The following LCORL variants were observed in gnomAD, a reference collection of about 807,000 sequenced individuals.
The protein encoded by LCORL is ligand dependent nuclear receptor corepressor like, also known as ligand-dependent nuclear receptor corepressor-like protein.
Under a neutral mutation model 141.8 loss-of-function variants are expected in LCORL, and 41 were observed. The ratio of observed to expected loss-of-function variants is 0.29; its 90% CI spans 0.23 to 0.38. The LOEUF (loss-of-function observed/expected upper bound fraction) is 0.38, where lower values mean the gene tolerates loss of function less well. Ranked by LOEUF, LCORL falls within the 10% of genes least tolerant of loss-of-function variation. The pLI is 1.00. For synonymous variants in LCORL, 618 were observed against 694.1 expected (o/e 0.89, Z 1.72); for missense variants, 1,759 against 2,035.0 (o/e 0.86, Z 2.61).
chr4:18,015,173 A>C (rs1724446147), intron 1 of LCORL, among the ~76,000 whole-genome samples: 1 of 152,194 alleles, frequency 6.6e-6, no homozygotes, highest in African/African-American at 2.4e-5. Flanking sequence ...CCAGGGTTGA[A>C]AGTCAGACAA....
chr4:17,909,589 C>CT (rs1377310049), intron 4 of LCORL, among the ~76,000 whole-genome samples: 3 of 151,960 alleles, frequency 2.0e-5, no homozygotes, highest in Admixed American at 6.6e-5. Context: ...TGGTCCCAAA[C>CT]TAAAATACAA....
At chr4:17,882,190 C>T in intron 6 of LCORL, 1 of 984,412 alleles carries the variant, frequency 1.0e-6, no homozygotes, top group Non-Finnish European at 1.2e-6. Flanking sequence ...TACACACAAA[C>T]ACAAGTGTAA....
At chr4:17,905,739 T>C (rs1560319277) in intron 5 of LCORL, among the ~76,000 whole-genome samples, 1 of 152,082 alleles carries the variant, frequency 6.6e-6, no homozygotes, top group Non-Finnish European at 1.5e-5. Context: ...GTCATCTAAT[T>C]TGAATAAAGC....
At chr4:17,938,081 C>T (rs1737174874) in intron 4 of LCORL, among the ~76,000 whole-genome samples, 1 of 150,372 alleles carries the variant, frequency 6.7e-6, no homozygotes, top group Admixed American at 6.7e-5. Context: ...TCTCAGCTCA[C>T]CGCAACCTCT....
chr4:17,909,006 A>G (rs1732088503), intron 5 of LCORL, 88 bp downstream of exon 5: 1 of 1,205,660 alleles, frequency 8.3e-7, no homozygotes, highest in African/African-American at 1.5e-5. Context: ...TCCAAAATAA[A>G]TTTCCCTATG....
exon 8 of LCORL, chr4:17,843,788 A>AGAT (rs1444467726): frequency 6.3e-6 from 1 of 159,238 alleles, no homozygotes; most frequent in Non-Finnish European, 1.4e-5. Context: ...CTTATGACTT[A>AGAT]GATGGGCAGA....
chr4:17,881,743 T>C, intron 6 of LCORL: 1 of 955,774 alleles, frequency 1.0e-6, no homozygotes, highest in Non-Finnish European at 1.2e-6. Context: ...AATATAAATA[T>C]TATGTAATGC....
intron 1 of LCORL, among the ~76,000 whole-genome samples, chr4:17,990,162 G>C (rs1038604052): frequency 3.2e-4 from 45 of 142,758 alleles, no homozygotes; most frequent in African/African-American, 1.1e-3. Context: ...GCAGTGGCAC[G>C]ATCTCGGCTC....
At chr4:17,863,234 T>C (rs1725215489) in intron 7 of LCORL, among the ~76,000 whole-genome samples, 1 of 152,126 alleles carries the variant, frequency 6.6e-6, no homozygotes, top group African/African-American at 2.4e-5. Context: ...GAGAATCACT[T>C]GAACATGGGA....
At chr4:18,010,041 G>A (rs962522205) in intron 1 of LCORL, among the ~76,000 whole-genome samples, 10 of 152,164 alleles carry the variant, frequency 6.6e-5, no homozygotes, top group Non-Finnish European at 1.3e-4. Context: ...TAAAAAAAGA[G>A]ACACCAGTGA....
At chr4:18,001,857 TAA>T (rs999615303) in intron 1 of LCORL, among the ~76,000 whole-genome samples, 1 of 152,204 alleles carries the variant, frequency 6.6e-6, no homozygotes, top group African/African-American at 2.4e-5. Context: ...AAATTTTTTT[TAA>T]AAGTCTCCCA....
At position 18,021,824 on chromosome 4, in the gene LCORL, C is replaced by G; in HGVS notation, c.-73G>C. 1 of 1,334,628 alleles carries G rather than the reference C, an allele frequency of 7.5e-7. No individual in the cohort carries two copies. Among genetic ancestry groups the G allele is most frequent in the African/African-American group, 1.5e-5 (1 of 65,068 alleles). The allele number at this position is 1,334,628 out of a possible 1,614,324, so 82.7% of individuals were successfully genotyped here. A position where few individuals can be genotyped will look rare whatever the true frequency, so the allele number is the denominator to read the frequency against. On this transcript the variant is annotated 5_prime_UTR_variant, in exon 1 of 8. Coordinates refer to ENST00000635767, the Ensembl canonical transcript of LCORL. The surrounding 1 kb of genome is among the most constrained non-coding windows in gnomAD (Gnocchi z 5.5). ...ACGAGGCAGGGGCGCGAGCCCTCGG[C>G]GCGAGCCCCGGAGCGCGCGCCCCCC... is the stretch of plus-strand genomic sequence containing the variant.
At chr4:17,958,652 T>C (rs1026506801) in intron 4 of LCORL, among the ~76,000 whole-genome samples, 2 of 152,018 alleles carry the variant, frequency 1.3e-5, no homozygotes, top group African/African-American at 4.8e-5. Context: ...AGGTTAACTA[T>C]ATGTACGTAC....
chr4:17,952,798 G>A (rs952500288), intron 4 of LCORL, among the ~76,000 whole-genome samples: 1 of 152,130 alleles, frequency 6.6e-6, no homozygotes, highest in East Asian at 1.9e-4. Flanking sequence ...TGTCATGGGG[G>A]TTTGGTGCAC....
chr4:17,877,022 T>C (rs1053919392), exon 7 of LCORL: 1 of 1,230,696 alleles, frequency 8.1e-7, no homozygotes, highest in Admixed American at 4.2e-5. Flanking sequence ...TCTCATTGTT[T>C]TGTGTCAATT....
At chr4:17,915,715 G>A (rs1444202401) in intron 4 of LCORL, among the ~76,000 whole-genome samples, 1 of 152,218 alleles carries the variant, frequency 6.6e-6, no homozygotes, top group African/African-American at 2.4e-5. Context: ...AACTTAGGAA[G>A]TAGAAAATGT....
intron 1 of LCORL, among the ~76,000 whole-genome samples, chr4:18,004,296 A>G (rs960435027): frequency 6.6e-6 from 1 of 152,216 alleles, no homozygotes; most frequent in Admixed American, 6.5e-5. Context: ...TGCTGCTAAC[A>G]AAGACATATC....
rs1577584008 is a variant in LCORL at position 17,969,273 on chromosome 4, A to T, written c.220+3547T>A. On this transcript the variant is annotated intron_variant, in intron 2 of 7. Transcript: ENST00000635767. Reference sequence around the variant, plus strand: ...TGGAGACCTCACTCCAAAAAGAGAGAATAGTTATGCTTTCTTCATAAGGAC... The same window carrying T: ...TGGAGACCTCACTCCAAAAAGAGAGTATAGTTATGCTTTCTTCATAAGGAC... 2.0e-5 allele frequency among the ~76,000 whole-genome samples: 3 copies of T among 152,184 alleles called. No individual in the cohort carries two copies. In the East Asian group the frequency reaches 5.8e-4, roughly 29 times the overall value.
chr4:17,879,076 C>G (rs1179107242), intron 6 of LCORL, among the ~76,000 whole-genome samples: 1 of 150,422 alleles, frequency 6.6e-6, no homozygotes, highest in Non-Finnish European at 1.5e-5. Flanking sequence ...CTTTCACTTA[C>G]AGTTTATTAC....
Sources: gnomAD v4.1 joint callset for allele counts (sites outside exome capture counted in the v4.1 genomes callset) on GRCh38, gnomAD v4.1.1 for gene constraint, Gnocchi (gnomAD v3.1) non-coding constraint, MANE v1.5 for transcripts, NCBI Gene and HGNC (gene_info 2026-07-23, HGNC 2026-07-21) for gene names.